Variants in PPP1R12A observed in about 807,000 individuals in gnomAD.
PPP1R12A encodes protein phosphatase 1 regulatory subunit 12A, also known as myosin binding subunit.
A neutral mutation model predicts 139.6 loss-of-function variants in PPP1R12A; 19 were observed. The ratio of observed to expected loss-of-function variants is 0.14; its 90% CI spans 0.09 to 0.20. PPP1R12A has a LOEUF of 0.20. Among genes scored for constraint, PPP1R12A ranks in the 10% least tolerant of loss-of-function variants. The pLI, the probability that PPP1R12A is intolerant of heterozygous loss-of-function variation, is 1.00. For synonymous variants in PPP1R12A, 427 were observed against 420.6 expected, an observed-to-expected ratio of 1.02 and a Z score of -0.19; for missense variants, 925 against 1,211.5, an observed-to-expected ratio of 0.76 and a Z score of 3.51.
chr12:79,842,817 C>A (rs948594315), intron 3 of PPP1R12A, among the ~76,000 whole-genome samples: 6 of 152,210 alleles, frequency 3.9e-5, no homozygotes, highest in South Asian at 2.1e-4. Flanking sequence ...GATCCTCCCC[C>A]CTTAGCTGGG....
At chr12:79,900,803 G>A (rs907441926) in intron 1 of PPP1R12A, among the ~76,000 whole-genome samples, 6 of 151,984 alleles carry the variant, frequency 3.9e-5, no homozygotes, top group Non-Finnish European at 1.5e-5. Flanking sequence ...TAGTATAGAA[G>A]GATTGTCCAT....
chr12:79,801,102 T>C (rs1873081432), intron 14 of PPP1R12A, among the ~76,000 whole-genome samples: 1 of 151,164 alleles, frequency 6.6e-6, no homozygotes, highest in Non-Finnish European at 1.5e-5. Context: ...TCCCAGTAGT[T>C]TGGGAGGCCG....
rs79236320 is a variant in PPP1R12A, at chr12:79,827,467, A to G, written c.792+853T>C. Among the ~76,000 whole-genome samples, 1,467 of 152,284 alleles carry G rather than the reference A, an allele frequency of 9.6e-3. 17 individuals carry two copies. The highest frequency in any genetic ancestry group is 0.025 in the South Asian group (123 of 4,832). On this transcript the variant is annotated intron_variant, in intron 5 of 24. Transcript: ENST00000450142. ...ATTATCCTATAAAATGCAATATACA[A>G]GGAACATTCTATGGAAAGGTAATCA...
In PPP1R12A at chr12:79,859,854, C is replaced by T. The variant is rs568747580; in HGVS notation, c.368+12954G>A. On this transcript the variant is annotated intron_variant, in intron 2 of 24. Transcript: ENST00000450142. ...GCTTAAGCCCAGGAAGTCCAGGCTG[C>T]GGTGTGTTATGATCATCCCACTGCA... 1.5e-3 allele frequency among the ~76,000 whole-genome samples: 224 copies of T among 152,312 alleles called. 1 individual carries two copies. The highest frequency in any genetic ancestry group is 5.1e-3 in the African/African-American group (212 of 41,560).
At chr12:79,855,373 G>A (rs1880521015) in intron 2 of PPP1R12A, among the ~76,000 whole-genome samples, 1 of 151,970 alleles carries the variant, frequency 6.6e-6, no homozygotes, top group African/African-American at 2.4e-5. Context: ...CACCCTAAGA[G>A]GTCTGAGAAA....
At chr12:79,902,523 T>TA (rs1265400959) in intron 1 of PPP1R12A, among the ~76,000 whole-genome samples, 2 of 152,140 alleles carry the variant, frequency 1.3e-5, no homozygotes, top group Non-Finnish European at 2.9e-5. Context: ...ATAGACAAGT[T>TA]ACCAGTTTTC....
At chr12:79,891,736 T>A (rs1342701210) in intron 1 of PPP1R12A, among the ~76,000 whole-genome samples, 2 of 152,220 alleles carry the variant, frequency 1.3e-5, no homozygotes, top group Non-Finnish European at 2.9e-5. Context: ...CATCTTGGCA[T>A]GCACCCTCCT....
Position 79,775,952 on chromosome 12 carries a change from C to T in PPP1R12A, c.3070G>A (p.Val1024Ile). The change falls in exon 25 of 25, where the codon GTT becomes ATT. Residue 1024 changes from valine to isoleucine, a missense_variant. By Grantham distance (29) the Val-to-Ile change is conservative (BLOSUM62 3). Around this residue, in one of 4 missense-constraint regions of PPP1R12A, gnomAD observed 315 missense variants for 363.4 expected, o/e 0.87. Coordinates refer to ENST00000450142, the MANE Select transcript of PPP1R12A (RefSeq NM_002480.3). ...TTTTATTTGGAAAGTTTGCTTATAA[C>T]TCTGATCAAGGCCCCATTTTCATCC... The part of the protein sequence containing the change: ...LKDENGALIR[V>I]ISKLSK The T allele has an allele frequency of 6.3e-7, 1 of 1,589,626 alleles. No individual in the cohort carries two copies. The highest frequency in any genetic ancestry group is 8.6e-7 in the Non-Finnish European group (1 of 1,166,906).
At chr12:79,836,926 C>G (rs1458563692) in intron 3 of PPP1R12A, among the ~76,000 whole-genome samples, 1 of 152,154 alleles carries the variant, frequency 6.6e-6, no homozygotes, top group Non-Finnish European at 1.5e-5. Flanking sequence ...ATGCTATGCT[C>G]TGGTTTCATT....
At chr12:79,795,990 G>A (rs1243794086) in intron 17 of PPP1R12A, among the ~76,000 whole-genome samples, 2 of 152,034 alleles carry the variant, frequency 1.3e-5, no homozygotes, top group East Asian at 3.9e-4. Flanking sequence ...TTTGAAGTGA[G>A]TATCTCTAAT....
chr12:79,828,517 C>T, intron 4 of PPP1R12A, 53 bp from the exon 5 acceptor site: 2 of 1,371,242 alleles, frequency 1.5e-6, no homozygotes, highest in South Asian at 1.5e-5. Context: ...AATAAATGAT[C>T]ATGATCAAAA....
chr12:79,783,902 C>T (rs889700276), intron 22 of PPP1R12A, among the ~76,000 whole-genome samples: 1 of 152,264 alleles, frequency 6.6e-6, no homozygotes, highest in African/African-American at 2.4e-5. Context: ...GTGAAATGGT[C>T]ATTTGGCAAA....
intron 9 of PPP1R12A, among the ~76,000 whole-genome samples, chr12:79,811,545 GC>G (rs1278020430): frequency 2.0e-5 from 3 of 152,116 alleles, no homozygotes; most frequent in Admixed American, 6.5e-5. Flanking sequence ...AACACTAGGG[GC>G]TCCAATGACC....
At chr12:79,781,378 A>C (rs1167706078) in intron 23 of PPP1R12A, among the ~76,000 whole-genome samples, 3 of 152,170 alleles carry the variant, frequency 2.0e-5, no homozygotes. Flanking sequence ...TTTAAAAAGA[A>C]TTTGAAAATT....
intron 1 of PPP1R12A, among the ~76,000 whole-genome samples, chr12:79,930,912 G>A (rs915142136): frequency 6.6e-6 from 1 of 152,168 alleles, no homozygotes; most frequent in Admixed American, 6.5e-5. Flanking sequence ...TAGACAAGGG[G>A]AATGAGTAAA....
intron 2 of PPP1R12A, among the ~76,000 whole-genome samples, chr12:79,868,674 C>T (rs1174873116): frequency 6.6e-6 from 1 of 152,080 alleles, no homozygotes. Flanking sequence ...AGAAAACCAG[C>T]CAGACTGGAT....
At chr12:79,831,311 G>A (rs1877392669) in intron 4 of PPP1R12A, among the ~76,000 whole-genome samples, 1 of 152,144 alleles carries the variant, frequency 6.6e-6, no homozygotes. Flanking sequence ...GCTGGGTGGT[G>A]ATGGCTCAAG....
chr12:79,795,211 G>C (rs1178046935), intron 18 of PPP1R12A, among the ~76,000 whole-genome samples: 2 of 152,156 alleles, frequency 1.3e-5, no homozygotes, highest in Non-Finnish European at 1.5e-5. Flanking sequence ...CAAGACTGTT[G>C]TAATTTGATA....
intron 1 of PPP1R12A, among the ~76,000 whole-genome samples, chr12:79,906,598 C>CCTTTATGTATGT (rs201019275): frequency 6.6e-6 from 1 of 151,274 alleles, no homozygotes; most frequent in Admixed American, 6.6e-5. Context: ...TTTATTTATT[C>CCTTTATGTATGT]ATTTATGTAT....
Sources: allele counts gnomAD v4.1 joint callset (sites outside exome capture counted in the v4.1 genomes callset), GRCh38; gene constraint gnomAD v4.1.1; regional missense constraint gnomAD v4.1.1; transcripts MANE v1.5; gene names NCBI Gene and HGNC (gene_info 2026-07-23, HGNC 2026-07-21).